The following NRCAM variants were observed in gnomAD, a reference collection of about 807,000 sequenced individuals.
NRCAM encodes the protein NgCAM-related cell adhesion molecule.
In NRCAM, 83 loss-of-function variants were observed where a neutral mutation model predicts 156.5. The ratio of observed to expected loss-of-function variants is 0.53; its 90% confidence interval spans 0.44 to 0.64. The LOEUF (loss-of-function observed/expected upper bound fraction) is 0.64. NRCAM is among the 30% of genes least tolerant of loss of function. The pLI, the probability that NRCAM is intolerant of heterozygous loss-of-function variation, is 0.00. For missense variants in NRCAM, 1,417 were observed against 1,597.3 expected (o/e 0.89, Z 1.92); for synonymous variants, 538 against 563.9 (o/e 0.95, Z 0.65).
chr7:108,428,423 G>T (rs1199449589), intron 1 of NRCAM, among the ~76,000 whole-genome samples: 2 of 152,188 alleles, frequency 1.3e-5, no homozygotes, highest in Admixed American at 1.3e-4. Context: ...GGAAAAGCAT[G>T]GAGACCAACC....
At chr7:108,164,378 G>T (rs1176818334) in intron 30 of NRCAM, among the ~76,000 whole-genome samples, 1 of 152,122 alleles carries the variant, frequency 6.6e-6, no homozygotes. Context: ...GGGAGAGATG[G>T]TGTAATGGTA....
chr7:108,232,586 T>C (rs2094461677), intron 6 of NRCAM, 64 bp from the exon 7 acceptor site: 17 of 1,175,304 alleles, frequency 1.4e-5, no homozygotes, highest in Non-Finnish European at 2.0e-5. Flanking sequence ...CCTTAACAAA[T>C]TCCTAGCAGT....
chr7:108,273,934 G>C (rs1438642889), intron 3 of NRCAM, among the ~76,000 whole-genome samples: 1 of 152,194 alleles, frequency 6.6e-6, no homozygotes, highest in Non-Finnish European at 1.5e-5. Flanking sequence ...ATGTAAGAAA[G>C]GGATCTAGTT....
chr7:108,385,899 T>C (rs1249833557), intron 2 of NRCAM, among the ~76,000 whole-genome samples: 1 of 123,608 alleles, frequency 8.1e-6, no homozygotes, highest in Non-Finnish European at 1.7e-5. Flanking sequence ...TGTCTGTCTA[T>C]GGAGAGAGAG....
intron 26 of NRCAM, among the ~76,000 whole-genome samples, chr7:108,177,624 AAT>A (rs59391934): frequency 0.027 from 2,130 of 79,666 alleles, 19 homozygotes; most frequent in South Asian, 0.088. Context: ...CTCCATCTCA[AAT>A]ATATATATAT....
At chr7:108,450,406 T>C (rs1849008291) in intron 1 of NRCAM, among the ~76,000 whole-genome samples, 1 of 152,194 alleles carries the variant, frequency 6.6e-6, no homozygotes, top group South Asian at 2.1e-4. Flanking sequence ...TCTTTTTTAT[T>C]AGCTCAGCTA....
intron 2 of NRCAM, among the ~76,000 whole-genome samples, chr7:108,384,301 C>G (rs2099725775): frequency 6.6e-6 from 1 of 151,848 alleles, no homozygotes; most frequent in South Asian, 2.1e-4. Context: ...AACCCTTGAT[C>G]CAGCCAAAGA....
chr7:108,189,499 G>C (rs1324019382), intron 20 of NRCAM, 146 bp downstream of exon 20: 4 of 589,922 alleles, frequency 6.8e-6, no homozygotes, highest in Non-Finnish European at 1.2e-5. Flanking sequence ...AAGAGAGGAA[G>C]GACATAAATA....
chr7:108,427,199 G>A (rs1818445850), intron 1 of NRCAM, among the ~76,000 whole-genome samples: 1 of 152,038 alleles, frequency 6.6e-6, no homozygotes, highest in Non-Finnish European at 1.5e-5. Flanking sequence ...AACCTCCAGG[G>A]ATTACTTCCT....
At chr7:108,240,234 A>T (rs1453707064) in intron 3 of NRCAM, 64 bp from the exon 4 acceptor site, 1 of 528,292 alleles carries the variant, frequency 1.9e-6, no homozygotes, top group Admixed American at 3.3e-5. Flanking sequence ...TGAAGAGCGG[A>T]AGTCTGCAGC....
chr7:108,386,018 C>A (rs1254419426), intron 2 of NRCAM, among the ~76,000 whole-genome samples: 1 of 152,006 alleles, frequency 6.6e-6, no homozygotes, highest in Non-Finnish European at 1.5e-5. Context: ...CTAGGCTGAG[C>A]TGTCAGGAGT....
intron 13 of NRCAM, among the ~76,000 whole-genome samples, chr7:108,202,819 T>C (rs986495963): frequency 1.3e-5 from 2 of 152,148 alleles, no homozygotes; most frequent in African/African-American, 4.8e-5. Flanking sequence ...TTAGTTCTTT[T>C]CCCTCCTCAT....
rs1162055289 is a variant in NRCAM, at chr7:108,226,342, T to C, written c.587A>G (p.Gln196Arg). Residue 196 changes from glutamine (Q) to arginine (R), a missense_variant, in exon 9 of 33, where the codon CAA becomes CGA. Gln to Arg is a conservative substitution (Grantham distance 43). Around this residue, in one of 2 missense-constraint regions of NRCAM, gnomAD observed 1,238 missense variants for 1,336.4 expected, o/e 0.93. Transcript: ENST00000379028. ...AAAATAAAGGTCCCCATTCAAACCT[T>C]GAGAAACTCTCTCACTTTGTGGAAG... is the stretch of plus-strand genomic sequence containing the variant. ...QRLPQSERVS[Q>R]GLNGDLYFSN... The C allele has an allele frequency of 6.2e-7, 1 of 1,612,790 alleles. No homozygotes were observed. The highest frequency in any genetic ancestry group is 8.5e-7 in the Non-Finnish European group (1 of 1,179,172).
At chr7:108,282,909 G>T (rs1370736091) in intron 3 of NRCAM, among the ~76,000 whole-genome samples, 3 of 152,198 alleles carry the variant, frequency 2.0e-5, no homozygotes, top group African/African-American at 7.2e-5. Flanking sequence ...CCAGTGCCCA[G>T]GCCACAGGCC....
intron 12 of NRCAM, 39 bp downstream of exon 12, chr7:108,209,382 T>G: frequency 7.3e-7 from 1 of 1,366,622 alleles, no homozygotes; most frequent in Non-Finnish European, 9.9e-7. Context: ...TTTCAGGGTC[T>G]CTCATGAAGG....
At chr7:108,229,229 CTAA>C (rs1168999923) in intron 8 of NRCAM, among the ~76,000 whole-genome samples, 1 of 152,140 alleles carries the variant, frequency 6.6e-6, no homozygotes, top group Non-Finnish European at 1.5e-5. Flanking sequence ...TTTGAAATAG[CTAA>C]TAATTGTGTC....
intron 25 of NRCAM, chr7:108,178,348 A>C (rs1481186342): frequency 2.0e-6 from 1 of 493,586 alleles, no homozygotes. Context: ...CAAAACACAT[A>C]ATGACTTTGC....
At chr7:108,391,869 A>C (rs1182363383) in intron 2 of NRCAM, among the ~76,000 whole-genome samples, 2 of 152,160 alleles carry the variant, frequency 1.3e-5, no homozygotes, top group African/African-American at 4.8e-5. Flanking sequence ...TCCGGGTTGA[A>C]AATTCTTTTC....
At position 108,176,451 on chromosome 7, in the gene NRCAM, C is replaced by A. The variant is rs1586494505; in HGVS notation, c.3130G>T (p.Ala1044Ser). ...TTACCTTCATCCACAGTTGTTACTGCTTCCTCTGTAATTTGACTTCCTGAT... is the reference window on the plus strand; with the variant it reads ...TTACCTTCATCCACAGTTGTTACTGATTCCTCTGTAATTTGACTTCCTGAT... ...AGSGSQITEE[A>S]VTTVDEAGIL... is the part of the protein sequence containing the mutation. The change falls in exon 27 of 33, where the codon GCA (alanine) becomes TCA (serine). Residue 1044 changes from alanine to serine, a missense_variant. This residue lies in a region of NRCAM where 1,238 missense variants were observed against 1,336.4 expected (regional missense o/e 0.93). Transcript: ENST00000379028. The A allele has an allele frequency of 3.1e-6, 5 of 1,613,342 alleles. No homozygotes were observed. The highest frequency in any genetic ancestry group is 4.2e-6 in the Non-Finnish European group (5 of 1,179,734).
Sources: allele counts gnomAD v4.1 joint callset (sites outside exome capture counted in the v4.1 genomes callset), GRCh38; gene constraint gnomAD v4.1.1; regional missense constraint gnomAD v4.1.1; transcripts MANE v1.5; gene names NCBI Gene and HGNC (gene_info 2026-07-23, HGNC 2026-07-21).